Variants in PAXIP1 observed in about 807,000 individuals in gnomAD.
PAXIP1 encodes PAX-interacting protein 1.
A neutral mutation model predicts 140.6 loss-of-function variants in PAXIP1; 19 were observed. That is an observed-to-expected ratio of 0.14 (90% CI 0.09 to 0.20). The LOEUF (loss-of-function observed/expected upper bound fraction) is 0.20. Among genes scored for constraint, PAXIP1 ranks in the 10% least tolerant of loss-of-function variants. The pLI is 1.00. For missense variants in PAXIP1, 920 were observed against 1,208.6 expected, an observed-to-expected ratio of 0.76 and a Z score of 3.54; for synonymous variants, 442 against 444.6, an observed-to-expected ratio of 0.99 and a Z score of 0.07.
At chr7:154,957,492 G>A (rs1457224958) in intron 13 of PAXIP1, among the ~76,000 whole-genome samples, 198 bp from the exon 14 acceptor site, 1 of 150,654 alleles carries the variant, frequency 6.6e-6, no homozygotes, top group Non-Finnish European at 1.5e-5. Context: ...TAATATTCCG[G>A]AGAGAACCTC....
intron 2 of PAXIP1, among the ~76,000 whole-genome samples, chr7:154,995,753 G>A (rs62471877): frequency 3.3e-5 from 5 of 152,106 alleles, no homozygotes; most frequent in African/African-American, 4.8e-5. Context: ...GGGAGGCTGA[G>A]AGAGGAGAAT....
chr7:154,990,518 T>C (rs1371545482), intron 4 of PAXIP1, among the ~76,000 whole-genome samples: 2 of 152,236 alleles, frequency 1.3e-5, no homozygotes, highest in Non-Finnish European at 2.9e-5. Context: ...ACAAATTCGA[T>C]GAGCAAAAAC....
At chr7:154,981,823 TA>T (rs1265385587) in intron 5 of PAXIP1, among the ~76,000 whole-genome samples, 1 of 152,166 alleles carries the variant, frequency 6.6e-6, no homozygotes, top group Admixed American at 6.5e-5. Flanking sequence ...GCTATACACT[TA>T]AAAAATTAGT....
intron 13 of PAXIP1, among the ~76,000 whole-genome samples, chr7:154,958,006 C>T (rs1216394667): frequency 1.4e-5 from 2 of 143,282 alleles, no homozygotes; most frequent in Non-Finnish European, 3.1e-5. Flanking sequence ...ATGTGGAAAA[C>T]ATGATTGAAA....
At chr7:154,961,447 T>A in intron 11 of PAXIP1, 80 bp downstream of exon 11, 1 of 1,215,652 alleles carries the variant, frequency 8.2e-7, no homozygotes, top group East Asian at 2.5e-5. Flanking sequence ...TATGACATAC[T>A]AAAAAAGGCA....
chr7:154,967,818 T>C lies in PAXIP1; in HGVS notation c.1891A>G (p.Arg631Gly). Reference sequence around the variant, plus strand: ...CCTTCCTCCAGGCACAATCTCACCCTTTTCCAGGTGGCCAGCAGTTGCTTA... The same window carrying C: ...CCTTCCTCCAGGCACAATCTCACCCCTTTCCAGGTGGCCAGCAGTTGCTTA... ...SDKQLLATWK[R>G]IIQAHGGTVD... Residue 631 changes from arginine (R) to glycine (G), a missense_variant and splice_region_variant, in exon 8 of 21, where the codon AGG becomes GGG. Arg to Gly is a moderately radical substitution (Grantham distance 125). Coordinates refer to ENST00000404141, the MANE Select transcript of PAXIP1 (RefSeq NM_007349.4). 6.2e-7 allele frequency: 1 copy of C among 1,606,680 alleles called. No homozygotes were observed.
intron 4 of PAXIP1, among the ~76,000 whole-genome samples, chr7:154,988,132 A>G (rs1393965471): frequency 6.6e-6 from 1 of 152,068 alleles, no homozygotes; most frequent in Non-Finnish European, 1.5e-5. Flanking sequence ...CTGCCTGACC[A>G]TTTTTTCTTC....
At chr7:154,995,476 C>T (rs961176719) in intron 2 of PAXIP1, among the ~76,000 whole-genome samples, 1 of 152,096 alleles carries the variant, frequency 6.6e-6, no homozygotes, top group South Asian at 2.1e-4. Flanking sequence ...AGGATGTAGG[C>T]CACAGTACAA....
In PAXIP1 at chr7:154,967,853, T is replaced by C. The variant is rs1248901636; in HGVS notation, c.1856A>G (p.Gln619Arg). 3.1e-6 allele frequency: 5 copies of C among 1,613,908 alleles called. No homozygotes were observed. The highest frequency in any genetic ancestry group is 4.2e-6 in the Non-Finnish European group (5 of 1,179,802). Residue 619 changes from glutamine to arginine, a missense_variant, in exon 8 of 21, where the codon CAG becomes CGG. Coordinates refer to ENST00000404141, the MANE Select transcript of PAXIP1 (RefSeq NM_007349.4). ...CVFAIADYPE[Q>R]MSDKQLLATW... The stretch of plus-strand genomic sequence containing the variant: ...GGCCAGCAGTTGCTTATCAGACATC[T>C]GCTCTGGATAATCCGCAATTGCAAA...
chr7:154,995,181 C>A (rs1216969648), intron 2 of PAXIP1, among the ~76,000 whole-genome samples: 1 of 152,180 alleles, frequency 6.6e-6, no homozygotes, highest in African/African-American at 2.4e-5. Context: ...GGGCAATGCA[C>A]TACAAGATTA....
chr7:154,971,908 C>A (rs1353440366), intron 6 of PAXIP1, among the ~76,000 whole-genome samples: 12 of 152,198 alleles, frequency 7.9e-5, no homozygotes, highest in Admixed American at 7.9e-4. Context: ...TCCTTATGTT[C>A]TCTTGCATTG....
At position 154,986,724 on chromosome 7, in the gene PAXIP1, C is replaced by G. The variant is rs1217853642; in HGVS notation, c.325-3392G>C. ...CCCCATCCCTATTTGAACAATCTTT[C>G]TCAACTTAAAAGAAATGCTTTTATT... On this transcript the variant is annotated intron_variant, in intron 4 of 20. Coordinates refer to ENST00000404141, the MANE Select transcript of PAXIP1 (RefSeq NM_007349.4). The surrounding 1 kb of genome is among the most constrained non-coding windows in gnomAD (Gnocchi z 4.8). Among the ~76,000 whole-genome samples the G allele has an allele frequency of 6.6e-6, 1 of 152,144 alleles. No homozygotes were observed. The highest frequency in any genetic ancestry group is 2.4e-5 in the African/African-American group (1 of 41,430).
In PAXIP1 at chr7:154,976,279, T is replaced by C. The variant is rs370057260; in HGVS notation, c.491A>G (p.Asp164Gly). 4.4e-5 allele frequency: 71 copies of C among 1,611,274 alleles called. No homozygotes were observed. Among genetic ancestry groups the C allele is most frequent in the Non-Finnish European group, 5.9e-5 (69 of 1,179,118 alleles). The stretch of plus-strand genomic sequence containing the variant: ...CTCTGATACGCAATCCAGAACCCAG[T>C]CAGGAGTCACAATTTTAATACTTGC... ...KRASIKIVTPDWVLDCVSEKT... is the reference protein window; with the variant it reads ...KRASIKIVTPGWVLDCVSEKT... The change falls in exon 6 of 21, where the codon GAC (aspartate) becomes GGC (glycine). Residue 164 changes from aspartate to glycine, a missense_variant. Asp to Gly is a moderately conservative substitution (Grantham distance 94). Coordinates refer to ENST00000404141, the MANE Select transcript of PAXIP1 (RefSeq NM_007349.4).
At chr7:154,981,047 G>A (rs1039026266) in intron 5 of PAXIP1, among the ~76,000 whole-genome samples, 2 of 152,108 alleles carry the variant, frequency 1.3e-5, no homozygotes, top group East Asian at 3.9e-4. Context: ...TGTGAACCCG[G>A]GAGATGGAGG....
chr7:154,975,511 C>T (rs1240365769), intron 6 of PAXIP1, among the ~76,000 whole-genome samples, 185 bp downstream of exon 6: 3 of 91,762 alleles, frequency 3.3e-5, no homozygotes, highest in Non-Finnish European at 6.3e-5. Context: ...CTGAAATATA[C>T]ATATATACAC....
chr7:154,972,845 C>G (rs1311273543), intron 6 of PAXIP1, among the ~76,000 whole-genome samples: 3 of 152,252 alleles, frequency 2.0e-5, no homozygotes, highest in Non-Finnish European at 4.4e-5. Flanking sequence ...CTTCTCATGA[C>G]TGAGGTCAAA....
chr7:154,982,213 A>T (rs1337353524), intron 5 of PAXIP1, among the ~76,000 whole-genome samples: 1 of 152,232 alleles, frequency 6.6e-6, no homozygotes, highest in African/African-American at 2.4e-5. Flanking sequence ...AAGTCACATG[A>T]TAAATTTTAT....
rs146797705 is a variant in PAXIP1 at position 154,985,922 on chromosome 7, G to C, written c.325-2590C>G. On this transcript the variant is annotated intron_variant, in intron 4 of 20. Transcript: ENST00000404141. Reference sequence around the variant, plus strand: ...GCAGTCAAGAAATACTGTTGATTGAGATACAGAATGGAAAGGACTTTTTAG... The same window carrying C: ...GCAGTCAAGAAATACTGTTGATTGACATACAGAATGGAAAGGACTTTTTAG... 866 of 947,152 alleles carry C rather than the reference G, an allele frequency of 9.1e-4. 12 individuals carry two copies. In the East Asian group the frequency reaches 0.011, roughly 12 times the overall value. The allele number at this position is 947,152 out of a possible 1,614,324, so 58.7% of individuals were successfully genotyped here.
intron 3 of PAXIP1, among the ~76,000 whole-genome samples, chr7:154,992,239 C>A (rs1301962384): frequency 6.6e-6 from 1 of 152,016 alleles, no homozygotes; most frequent in African/African-American, 2.4e-5. Flanking sequence ...TATGGATAGG[C>A]AAGTAAGAGC....
Sources: allele counts gnomAD v4.1 joint callset (sites outside exome capture counted in the v4.1 genomes callset), GRCh38; gene constraint gnomAD v4.1.1; non-coding constraint Gnocchi (gnomAD v3.1); transcripts MANE v1.5; gene names NCBI Gene and HGNC (gene_info 2026-07-23, HGNC 2026-07-21).